The following SUPT7L variants were observed in gnomAD, a reference collection of about 807,000 sequenced individuals.
The protein encoded by SUPT7L is STAGA complex 65 subunit gamma.
A neutral mutation model predicts 35.7 loss-of-function variants in SUPT7L; 15 were observed. The ratio of observed to expected loss-of-function variants is 0.42; its 90% CI spans 0.28 to 0.65. The LOEUF is 0.65. Among genes scored for constraint, SUPT7L ranks in the 30% least tolerant of loss-of-function variants. The pLI is 0.23. For missense variants in SUPT7L, 434 were observed against 522.2 expected (o/e 0.83, Z 1.65); for synonymous variants, 168 against 186.2 (o/e 0.90, Z 0.79).
chr2:27,642,725 C>T, the SUPT7L span, among the ~76,000 whole-genome samples: 53 of 151,968 alleles, frequency 3.5e-4, no homozygotes, highest in African/African-American at 1.3e-3. Flanking sequence ...CCACCACACC[C>T]GGCTAATTTT....
chr2:27,654,542 A>C (rs1301082387), intron 5 of SUPT7L, among the ~76,000 whole-genome samples: 2 of 152,242 alleles, frequency 1.3e-5, no homozygotes, highest in South Asian at 2.1e-4. Context: ...CTGGAAAAAG[A>C]AGCCAGCTAC....
At position 27,653,324 on chromosome 2, in the gene SUPT7L, A is replaced by T; in HGVS notation, c.*161T>A. The stretch of plus-strand genomic sequence containing the variant: ...TATAAAAACTGGATGCAAAAGTAAA[A>T]TGCAACCTTGTTTGGTGACGTCCAG... On this transcript the variant is annotated 3_prime_UTR_variant, in exon 6 of 6. Transcript: ENST00000337768. 9.5e-7 allele frequency: 1 copy of T among 1,052,576 alleles called. No individual in the cohort carries two copies. The highest frequency in any genetic ancestry group is 1.3e-6 in the Non-Finnish European group (1 of 745,120). 65.2% of individuals were successfully genotyped at this position (1,052,576 alleles called of 1,614,324 possible).
chr2:27,649,832 T>C (rs1451568163), downstream of SUPT7L, among the ~76,000 whole-genome samples: 2 of 152,240 alleles, frequency 1.3e-5, no homozygotes, highest in Non-Finnish European at 2.9e-5. Context: ...CGTTTCCAAA[T>C]AGATCTTTGT....
At chr2:27,644,599 T>TAG in the SUPT7L span, among the ~76,000 whole-genome samples, 1 of 152,064 alleles carries the variant, frequency 6.6e-6, no homozygotes, top group African/African-American at 2.4e-5. Context: ...CCGATTAATT[T>TAG]AGAGTTTATT....
chr2:27,658,943 A>C (rs1674921965), intron 3 of SUPT7L, among the ~76,000 whole-genome samples: 1 of 152,244 alleles, frequency 6.6e-6, no homozygotes, highest in African/African-American at 2.4e-5. Context: ...ACAGTTTCCT[A>C]AATATGTATA....
At chr2:27,662,522 T>A (rs1553362406) in intron 1 of SUPT7L, among the ~76,000 whole-genome samples, 1 of 152,210 alleles carries the variant, frequency 6.6e-6, no homozygotes, top group Non-Finnish European at 1.5e-5. Context: ...TGCACATCCC[T>A]GGCAGACTCA....
At chr2:27,647,588 C>T (rs189858497), downstream of SUPT7L, among the ~76,000 whole-genome samples, 3 of 152,274 alleles carry the variant, frequency 2.0e-5, no homozygotes, top group East Asian at 5.8e-4. Flanking sequence ...AGACAAGCTT[C>T]TTGAAAATTA....
chr2:27,649,958 T>A (rs1015415879), downstream of SUPT7L, among the ~76,000 whole-genome samples: 2 of 152,222 alleles, frequency 1.3e-5, no homozygotes, highest in African/African-American at 4.8e-5. Context: ...TTGGGCAGCA[T>A]GATAGAGCAT....
chr2:27,656,551 G>GAT (rs1028194904), intron 4 of SUPT7L, among the ~76,000 whole-genome samples: 3 of 149,720 alleles, frequency 2.0e-5, no homozygotes, highest in Admixed American at 6.7e-5. Context: ...AGCTATATTA[G>GAT]ATATATATAT....
chr2:27,643,175 ATT>A, the SUPT7L span, among the ~76,000 whole-genome samples: 1 of 149,724 alleles, frequency 6.7e-6, no homozygotes, highest in Non-Finnish European at 1.5e-5. The surrounding 1 kb of genome is among the most constrained non-coding windows in gnomAD (Gnocchi z 4.0). Context: ...ACCCTCCTCA[ATT>A]TTTTTTATAA....
At position 27,657,143 on chromosome 2, in the gene SUPT7L, C is replaced by T. The variant is rs1333221972; in HGVS notation, c.744+202G>A. Among the ~76,000 whole-genome samples the T allele has an allele frequency of 1.3e-5, 2 of 152,322 alleles. No homozygotes were observed. Among genetic ancestry groups the T allele is most frequent in the East Asian group, 3.9e-4 (2 of 5,186 alleles). On this transcript the variant is annotated intron_variant, in intron 4 of 5. Transcript: ENST00000337768. The surrounding 1 kb of genome is among the most constrained non-coding windows in gnomAD (Gnocchi z 5.2). ...GGATAGTTTCTTCCAGAGGAAGTAT[C>T]AGTGAATGTGGCCATTCACTGACTA...
intron 3 of SUPT7L, among the ~76,000 whole-genome samples, chr2:27,658,574 A>G (rs1212757632): frequency 6.6e-6 from 1 of 152,260 alleles, no homozygotes; most frequent in Non-Finnish European, 1.5e-5. Context: ...ACCAATAAAA[A>G]TAAAATAGAG....
downstream of SUPT7L, among the ~76,000 whole-genome samples, chr2:27,647,501 ATGT>A (rs1305068481): frequency 6.6e-6 from 1 of 152,130 alleles, no homozygotes. Flanking sequence ...ATCTGCTCAA[ATGT>A]TGTTAGCTTT....
In SUPT7L at chr2:27,655,481, T is replaced by C. The variant is rs1184358215; in HGVS notation, c.866A>G (p.Glu289Gly). The change falls in exon 5 of 6, where the codon GAG becomes GGG. Residue 289 changes from glutamate to glycine, a missense_variant. Coordinates refer to ENST00000337768, the MANE Select transcript of SUPT7L (RefSeq NM_014860.3). ...PVSDITFPVSEELEADLASGD... is the reference protein window; with the variant it reads ...PVSDITFPVSGELEADLASGD... ...AGAAGCAAGGTCAGCCTCCAGCTCCTCACTGACAGGAAAAGTGATGTCGCT... is the reference window on the plus strand; with the variant it reads ...AGAAGCAAGGTCAGCCTCCAGCTCCCCACTGACAGGAAAAGTGATGTCGCT... 1 of 1,614,054 alleles carries C rather than the reference T, an allele frequency of 6.2e-7. No homozygotes were observed. The highest frequency in any genetic ancestry group is 1.3e-5 in the African/African-American group (1 of 74,936).
intron 4 of SUPT7L, among the ~76,000 whole-genome samples, chr2:27,656,879 T>C (rs1674830092): frequency 6.6e-6 from 1 of 152,162 alleles, no homozygotes; most frequent in Non-Finnish European, 1.5e-5. Flanking sequence ...CCTCAAGCAA[T>C]CCTCCCACCT....
In SUPT7L at chr2:27,660,018, G is replaced by A. The variant is rs542692056; in HGVS notation, c.419+966C>T. 1.1e-3 allele frequency among the ~76,000 whole-genome samples: 162 copies of A among 152,174 alleles called. 2 individuals carry two copies. The highest frequency in any genetic ancestry group is 3.7e-3 in the African/African-American group (153 of 41,504). On this transcript the variant is annotated intron_variant, in intron 3 of 5. Transcript: ENST00000337768. ...TCTAGTAGCAGCTCTAGGTTATAAGGCAGTCACGTTCAGAGGATGTGGAGC... is the reference window on the plus strand; with the variant it reads ...TCTAGTAGCAGCTCTAGGTTATAAGACAGTCACGTTCAGAGGATGTGGAGC...
Position 27,653,458 on chromosome 2 carries a change from T to C in SUPT7L, c.*27A>G. 1.2e-6 allele frequency: 2 copies of C among 1,606,322 alleles called. No homozygotes were observed. The highest frequency in any genetic ancestry group is 1.7e-6 in the Non-Finnish European group (2 of 1,176,580). On this transcript the variant is annotated 3_prime_UTR_variant, in exon 6 of 6. Coordinates refer to ENST00000337768, the MANE Select transcript of SUPT7L (RefSeq NM_014860.3). ...CCTTTTCTGTTGGGTCTAGTAGGTC[T>C]GGACAAAACATCTCCCTCTTTTCCT...
intron 5 of SUPT7L, 46 bp from the exon 6 acceptor site, chr2:27,653,793 G>A: frequency 1.9e-6 from 3 of 1,609,322 alleles, no homozygotes; most frequent in Non-Finnish European, 2.5e-6. Context: ...TATATGTGTA[G>A]CCAAGTGTAG....
In SUPT7L at chr2:27,657,390, C is replaced by G. The variant is rs749207389; in HGVS notation, c.699G>C (p.Lys233Asn). The change falls in exon 4 of 6, where the codon AAG (lysine) becomes AAC (asparagine). Residue 233 changes from lysine to asparagine, a missense_variant. Transcript: ENST00000337768. The surrounding 1 kb of genome is among the most constrained non-coding windows in gnomAD (Gnocchi z 5.2). ...AGTCCTTGATGCGGTGCTGCCAGAA[C>G]TTCTGGAGGGAGAGCACACTGCCAA... ...VGIGSVLSLQ[K>N]FWQHRIKDYH... 10 of 1,614,246 alleles carry G rather than the reference C, an allele frequency of 6.2e-6. No individual in the cohort carries two copies. The highest frequency in any genetic ancestry group is 3.3e-5 in the Admixed American group (2 of 60,030).
Sources: gnomAD v4.1 joint callset for allele counts (sites outside exome capture counted in the v4.1 genomes callset) on GRCh38, gnomAD v4.1.1 for gene constraint, Gnocchi (gnomAD v3.1) non-coding constraint, MANE v1.5 for transcripts, NCBI Gene and HGNC (gene_info 2026-07-23, HGNC 2026-07-21) for gene names.